ASRGL1: variants seen among roughly 807,000 people sequenced by gnomAD.
ASRGL1 encodes the protein asparaginase and isoaspartyl peptidase 1, also known as isoaspartyl peptidase/L-asparaginase.
ASRGL1 carries 16 observed loss-of-function variants against 22.4 expected under a neutral mutation model. The ratio of observed to expected loss-of-function variants is 0.71; its 90% CI spans 0.48 to 1.08. The LOEUF (loss-of-function observed/expected upper bound fraction) is 1.08. Among genes scored for constraint, ASRGL1 ranks in the 50% least tolerant of loss-of-function variants. The pLI is 0.00. For missense variants in ASRGL1, 412 were observed against 410.1 expected (o/e 1.00, Z -0.04); for synonymous variants, 165 against 159.3 (o/e 1.04, Z -0.27).
intron 2 of ASRGL1, among the ~76,000 whole-genome samples, chr11:62,353,026 CA>C (rs1375677396): frequency 1.3e-5 from 2 of 152,090 alleles, no homozygotes; most frequent in African/African-American, 4.8e-5. Context: ...CATTCCCACC[CA>C]TTTTCTCCTC....
At chr11:62,372,752 TGG>T in intron 4 of ASRGL1, 1 of 1,540,662 alleles carries the variant, frequency 6.5e-7, no homozygotes, top group South Asian at 1.1e-5. Context: ...TTGACTTCCC[TGG>T]GCATGGGGCT....
At chr11:62,369,376 A>G (rs1464441740) in intron 4 of ASRGL1, among the ~76,000 whole-genome samples, 2 of 152,194 alleles carry the variant, frequency 1.3e-5, no homozygotes, top group Non-Finnish European at 2.9e-5. Flanking sequence ...TTCTTAGTAC[A>G]GAACAAAATG....
At chr11:62,372,465 G>GC in intron 4 of ASRGL1, 1 of 1,487,192 alleles carries the variant, frequency 6.7e-7, no homozygotes, top group Non-Finnish European at 9.4e-7. Flanking sequence ...AATATGGTCA[G>GC]CTGGGACACA....
At chr11:62,346,076 A>G (rs892699734) in intron 2 of ASRGL1, among the ~76,000 whole-genome samples, 1 of 152,120 alleles carries the variant, frequency 6.6e-6, no homozygotes, top group African/African-American at 2.4e-5. Flanking sequence ...TCAGAGTCCA[A>G]TCCCACAGGT....
Position 62,361,839 on chromosome 11 carries a change from TGATAGTAC to T in ASRGL1, c.491+4696_491+4703del, listed in dbSNP as rs1231055955. 1.2e-4 allele frequency among the ~76,000 whole-genome samples: 18 copies of T among 152,286 alleles called. No homozygotes were observed. The South Asian group carries it at 3.5e-3, about 30-fold the overall frequency. The stretch of plus-strand genomic sequence containing the variant: ...GTTCAACTAGAGTGTACCGTGGTAC[TGATAGTAC>T]CATGAGTGGACCATTACTGCTTGAA... On this transcript the variant is annotated intron_variant, in intron 4 of 6. Coordinates refer to ENST00000415229, the MANE Select transcript of ASRGL1 (RefSeq NM_001083926.2).
intron 4 of ASRGL1, among the ~76,000 whole-genome samples, chr11:62,363,593 A>C (rs1946537146): frequency 6.6e-6 from 1 of 152,244 alleles, no homozygotes; most frequent in Non-Finnish European, 1.5e-5. Flanking sequence ...ATTGTGATTT[A>C]TATGATCAAG....
At chr11:62,400,288 T>A in the ASRGL1 span, among the ~76,000 whole-genome samples, 1 of 152,186 alleles carries the variant, frequency 6.6e-6, no homozygotes, top group Admixed American at 6.5e-5. Context: ...AGGGTTGTTA[T>A]GAGGATTGAT....
intron 2 of ASRGL1, among the ~76,000 whole-genome samples, chr11:62,352,923 C>T (rs1946200981): frequency 6.6e-6 from 1 of 152,082 alleles, no homozygotes. Context: ...GTGTTTAGTC[C>T]TATTTAGGGC....
chr11:62,349,694 A>C (rs1946124850), intron 2 of ASRGL1, among the ~76,000 whole-genome samples: 1 of 152,220 alleles, frequency 6.6e-6, no homozygotes, highest in South Asian at 2.1e-4. Context: ...TCACGCAAGA[A>C]GGACTTCAGG....
intron 4 of ASRGL1, among the ~76,000 whole-genome samples, chr11:62,362,674 A>G (rs1314471860): frequency 2.1e-5 from 2 of 96,152 alleles, no homozygotes; most frequent in African/African-American, 4.2e-5. Context: ...TATATAATAT[A>G]TATTATATAA....
chr11:62,399,101 A>G, the ASRGL1 span, among the ~76,000 whole-genome samples: 1 of 152,224 alleles, frequency 6.6e-6, no homozygotes. Flanking sequence ...CTGTAGTCCC[A>G]GCTACTCAGG....
intron 4 of ASRGL1, among the ~76,000 whole-genome samples, chr11:62,373,924 G>C (rs559604324): frequency 1.3e-5 from 2 of 152,336 alleles, no homozygotes; most frequent in African/African-American, 4.8e-5. Flanking sequence ...GGGAACATTT[G>C]TATCAGTTGA....
At position 62,392,581 on chromosome 11, in the gene ASRGL1, AAAAAG is replaced by A. The variant is rs1947368234; in HGVS notation, c.*303_*307del. 2.4e-6 allele frequency: 1 copy of A among 413,568 alleles called. No individual in the cohort carries two copies. Among genetic ancestry groups the A allele is most frequent in the South Asian group, 2.7e-5 (1 of 37,562 alleles). 25.6% of individuals were successfully genotyped at this position (413,568 alleles called of 1,614,324 possible). A position where few individuals can be genotyped will look rare whatever the true frequency, so the allele number is the denominator to read the frequency against. Reference sequence around the variant, plus strand: ...CAGGCCCTGTATCAAAAAAAAAAAAAAAAAGAAAAGGGAAAAAAGAAAGAAAGCAG... The same window carrying A: ...CAGGCCCTGTATCAAAAAAAAAAAAAAAAAGGGAAAAAAGAAAGAAAGCAG... On this transcript the variant is annotated 3_prime_UTR_variant, in exon 7 of 7. Transcript: ENST00000415229.
intron 4 of ASRGL1, among the ~76,000 whole-genome samples, chr11:62,381,474 G>T (rs1352632677): frequency 2.6e-5 from 4 of 152,020 alleles, no homozygotes; most frequent in Non-Finnish European, 5.9e-5. Context: ...AGCTTTCAGG[G>T]GCATCAGCAA....
chr11:62,358,622 C>T (rs1198492902), intron 4 of ASRGL1, among the ~76,000 whole-genome samples: 2 of 152,178 alleles, frequency 1.3e-5, no homozygotes, highest in Non-Finnish European at 2.9e-5. Context: ...GACCCTCATA[C>T]CATAAACACA....
chr11:62,365,099 A>G (rs951555419), intron 4 of ASRGL1, among the ~76,000 whole-genome samples: 2 of 151,976 alleles, frequency 1.3e-5, no homozygotes, highest in Non-Finnish European at 2.9e-5. Context: ...AACATTGAAT[A>G]CATAGAAACA....
At chr11:62,395,734 C>T (rs896459460), downstream of ASRGL1, among the ~76,000 whole-genome samples, 4 of 141,290 alleles carry the variant, frequency 2.8e-5, no homozygotes, top group Admixed American at 7.2e-5. Flanking sequence ...AAAACCATCA[C>T]TGCATTTGGA....
intron 2 of ASRGL1, among the ~76,000 whole-genome samples, chr11:62,354,699 T>C (rs903512979): frequency 1.3e-5 from 2 of 152,168 alleles, no homozygotes; most frequent in African/African-American, 4.8e-5. Flanking sequence ...CAGAGTGGGA[T>C]GATGCTAGAA....
chr11:62,369,102 T>TG (rs1446001406), intron 4 of ASRGL1, among the ~76,000 whole-genome samples: 1 of 152,116 alleles, frequency 6.6e-6, no homozygotes, highest in East Asian at 1.9e-4. Flanking sequence ...GGCTATCACA[T>TG]GGGGAGAAAC....
Sources: allele counts gnomAD v4.1 joint callset (sites outside exome capture counted in the v4.1 genomes callset), GRCh38; gene constraint gnomAD v4.1.1; transcripts MANE v1.5; gene names NCBI Gene and HGNC (gene_info 2026-07-23, HGNC 2026-07-21).